The following KCNH2 variants were observed in gnomAD, a reference collection of about 807,000 sequenced individuals.
KCNH2 encodes voltage-gated inwardly rectifying potassium channel KCNH2.
KCNH2 carries 35 observed loss-of-function variants against 95.9 expected under a neutral mutation model. That is an observed-to-expected ratio of 0.37 (90% CI 0.28 to 0.48). The LOEUF (loss-of-function observed/expected upper bound fraction) is 0.48. KCNH2 is among the 20% of genes least tolerant of loss of function. The pLI, the probability that KCNH2 is intolerant of heterozygous loss-of-function variation, is 0.99. For synonymous variants in KCNH2, 786 were observed against 754.7 expected, an observed-to-expected ratio of 1.04 and a Z score of -0.68; for missense variants, 1,274 against 1,702.9, an observed-to-expected ratio of 0.75 and a Z score of 4.43.
At chr7:150,954,009 T>G (rs1801278194) in intron 5 of KCNH2, among the ~76,000 whole-genome samples, 1 of 152,250 alleles carries the variant, frequency 6.6e-6, no homozygotes, top group African/African-American at 2.4e-5. Flanking sequence ...ATGGCGCTGC[T>G]GGGAGAACAT....
rs577585244 is a variant in KCNH2 at position 150,958,756 on chromosome 7, G to A, written c.473-254C>T. Among the ~76,000 whole-genome samples the A allele has an allele frequency of 3.3e-5, 5 of 152,330 alleles. No homozygotes were observed. In the South Asian group the frequency reaches 6.2e-4, roughly 19 times the overall value. ...ATCATCCCTGTCTCTCACACCGGCC[G>A]CTGGGTGCCAGCGTCCCCATTTTAG... On this transcript the variant is annotated intron_variant, in intron 3 of 14. Coordinates refer to ENST00000262186, the MANE Select transcript of KCNH2 (RefSeq NM_000238.4).
At chr7:150,951,997 G>A (rs552589618) in intron 6 of KCNH2, among the ~76,000 whole-genome samples, 162 bp from the exon 7 acceptor site, 6 of 152,316 alleles carry the variant, frequency 3.9e-5, no homozygotes, top group African/African-American at 1.2e-4. Flanking sequence ...CAGCACAGGT[G>A]TCTCATTAAT....
chr7:150,948,609 G>T, intron 10 of KCNH2, 66 bp from the exon 11 acceptor site: 1 of 1,417,292 alleles, frequency 7.1e-7, no homozygotes, highest in Non-Finnish European at 1.0e-6. Context: ...CAGGCCCCAA[G>T]CTCCCTCCTT....
At chr7:150,975,541 G>C (rs1009195193) in intron 1 of KCNH2, among the ~76,000 whole-genome samples, 3 of 152,162 alleles carry the variant, frequency 2.0e-5, no homozygotes, top group African/African-American at 7.2e-5. Flanking sequence ...CTGAGGGGTG[G>C]GTGTGCCAGA....
Position 150,947,811 on chromosome 7 carries a change from C to G in KCNH2, c.2760G>C (p.Arg920=), listed in dbSNP as rs1800971378. 1.3e-6 allele frequency: 2 copies of G among 1,530,168 alleles called. No individual in the cohort carries two copies. The highest frequency in any genetic ancestry group is 1.7e-6 in the Non-Finnish European group (2 of 1,143,584). 94.8% of individuals were successfully genotyped at this position (1,530,168 alleles called of 1,614,324 possible). The change falls in exon 12 of 15, where the codon CGG becomes CGC. Residue 920 remains arginine (R), a synonymous_variant. Coordinates refer to ENST00000262186, the MANE Select transcript of KCNH2 (RefSeq NM_000238.4). ...CCCCCCACGGCCCCCCCGGCCGGCC[C>G]CGGCTACTCGGCCCTGCCCCCGCCC... is the stretch of plus-strand genomic sequence containing the variant. The part of the protein sequence containing the change: ...PGRAGAGPSS[R]GRPGGPWGES...
chr7:150,949,557 A>G, intron 9 of KCNH2: 2 of 972,482 alleles, frequency 2.1e-6, no homozygotes, highest in Non-Finnish European at 2.5e-6. Flanking sequence ...GGGGGTGTGT[A>G]TTTGTGTTTG....
rs771275949 is a variant in KCNH2, at chr7:150,959,755, T to G, written c.308-19A>C. 6.2e-7 allele frequency: 1 copy of G among 1,614,036 alleles called. No homozygotes were observed. Among genetic ancestry groups the G allele is most frequent in the Admixed American group, 1.7e-5 (1 of 60,014 alleles). On this transcript the variant is annotated intron_variant, in intron 2 of 14. Coordinates refer to ENST00000262186, the MANE Select transcript of KCNH2 (RefSeq NM_000238.4). Reference sequence around the variant, plus strand: ...CAGCTCCCTGCAGAGTGGGAGGACATAGCCCCCTTGGCACCCACTCAGTGG... The same window carrying G: ...CAGCTCCCTGCAGAGTGGGAGGACAGAGCCCCCTTGGCACCCACTCAGTGG...
At chr7:150,973,117 A>G (rs894741682) in intron 2 of KCNH2, among the ~76,000 whole-genome samples, 1 of 152,248 alleles carries the variant, frequency 6.6e-6, no homozygotes, top group Non-Finnish European at 1.5e-5. Context: ...CAACTTGTCC[A>G]GTAGTGTATA....
chr7:150,966,785 G>A (rs1801718824), intron 2 of KCNH2, among the ~76,000 whole-genome samples: 1 of 152,194 alleles, frequency 6.6e-6, no homozygotes, highest in African/African-American at 2.4e-5. Flanking sequence ...TGGAGTCGGG[G>A]CAAAAGGGAA....
rs1060500661 is a variant in KCNH2 at position 150,951,697 on chromosome 7, AG to A, written c.1695del (p.Cys566AlafsTer28). ...CTFALIAHWLACIWYAIGNME... is the reference protein window; with the variant it reads ...CTFALIAHWLXCIWYAIGNME... ...ATGTTGCCGATGGCGTACCAGATGCAGGCTAGCCAGTGCGCGATGAGCGCAA... is the reference window on the plus strand; with the variant it reads ...ATGTTGCCGATGGCGTACCAGATGCAGCTAGCCAGTGCGCGATGAGCGCAA... On this transcript the variant is annotated frameshift_variant, in exon 7 of 15. Transcript: ENST00000262186. LOFTEE classifies it high-confidence loss of function. 1 of 1,614,174 alleles carries A rather than the reference AG, an allele frequency of 6.2e-7. No individual in the cohort carries two copies. The highest frequency in any genetic ancestry group is 8.5e-7 in the Non-Finnish European group (1 of 1,180,006).
chr7:150,969,377 G>A (rs1801780957), intron 2 of KCNH2, among the ~76,000 whole-genome samples: 1 of 152,168 alleles, frequency 6.6e-6, no homozygotes, highest in African/African-American at 2.4e-5. Flanking sequence ...TGCTGGTCAG[G>A]TGGCATCACC....
chr7:150,962,487 C>G lies in KCNH2; in HGVS notation c.308-2751G>C, dbSNP rs1276811317. On this transcript the variant is annotated intron_variant, in intron 2 of 14. Transcript: ENST00000262186. This position sits in a 1 kb window ranked among gnomAD's most constrained non-coding sequence, Gnocchi z 5.7. ...CTTCAGCTCAAGCTGCTCAGCAAGA[C>G]AGCCCAGAATGGCATTCTGAAGCCC... Among the ~76,000 whole-genome samples, 1 of 152,144 alleles carries G rather than the reference C, an allele frequency of 6.6e-6. No individual in the cohort carries two copies. Among genetic ancestry groups the G allele is most frequent in the Non-Finnish European group, 1.5e-5 (1 of 68,030 alleles).
rs906146329 is a variant in KCNH2 at position 150,945,106 on chromosome 7, C to T, written c.*259G>A. On this transcript the variant is annotated 3_prime_UTR_variant, in exon 15 of 15. Transcript: ENST00000262186. This position sits in a 1 kb window ranked among gnomAD's most constrained non-coding sequence, Gnocchi z 5.6. ...CCTAAGGCCCAGGGCCGGGTGCCTC[C>T]GGGCAGTTAGACCAGCTAATGCCCT... 1.2e-5 allele frequency: 6 copies of T among 507,310 alleles called. No individual in the cohort carries two copies. The highest frequency in any genetic ancestry group is 5.7e-5 in the African/African-American group (3 of 52,676). 31.4% of individuals were successfully genotyped at this position (507,310 alleles called of 1,614,324 possible).
rs560156712 is a variant in KCNH2 at position 150,969,465 on chromosome 7, G to GGGA, written c.307+5245_307+5246insTCC. 1.6e-3 allele frequency among the ~76,000 whole-genome samples: 72 copies of GGGA among 43,766 alleles called. No individual in the cohort carries two copies. In the African/African-American group the frequency reaches 0.017, roughly 10 times the overall value. The allele number at this position is 43,766 out of a possible 152,430, so 28.7% of individuals were successfully genotyped here. On this transcript the variant is annotated intron_variant, in intron 2 of 14. Transcript: ENST00000262186. ...CATCCTCCTCGGTCCACCTCTGAGG[G>GGGA]TGAAGCTGGGAGCCCCCAGATGCTC...
At chr7:150,955,008 G>A (rs1342419672) in intron 5 of KCNH2, among the ~76,000 whole-genome samples, 2 of 152,210 alleles carry the variant, frequency 1.3e-5, no homozygotes, top group African/African-American at 2.4e-5. Flanking sequence ...AAGGAGCCCC[G>A]GCGCCTCCAT....
intron 2 of KCNH2, 92 bp downstream of exon 2, chr7:150,974,619 A>ACCCCCCCCCCCCCCCCCCC: frequency 6.6e-6 from 2 of 304,866 alleles, no homozygotes; most frequent in Non-Finnish European, 1.1e-5. Flanking sequence ...CCGCCCCCAC[A>ACCCCCCCCCCCCCCCCCCC]CCCCCACACC....
chr7:150,949,426 T>G (rs1584848781), intron 9 of KCNH2: 2 of 1,042,594 alleles, frequency 1.9e-6, no homozygotes, highest in Non-Finnish European at 2.4e-6. Context: ...TTTTTTTTTT[T>G]TTTTTTTACT....
intron 5 of KCNH2, chr7:150,955,395 C>T: frequency 6.4e-7 from 1 of 1,556,904 alleles, no homozygotes; most frequent in South Asian, 1.2e-5. Context: ...GTGTCACCTA[C>T]CTCCTGGGCC....
intron 8 of KCNH2, 77 bp downstream of exon 8, chr7:150,950,844 G>T: frequency 2.1e-6 from 3 of 1,449,026 alleles, no homozygotes; most frequent in Non-Finnish European, 2.9e-6. Context: ...AGACTTGTTT[G>T]CTGTGCCAAG....
Sources: gnomAD v4.1 joint callset for allele counts (sites outside exome capture counted in the v4.1 genomes callset) on GRCh38, gnomAD v4.1.1 for gene constraint, Gnocchi (gnomAD v3.1) non-coding constraint, MANE v1.5 for transcripts, NCBI Gene and HGNC (gene_info 2026-07-23, HGNC 2026-07-21) for gene names.